Variants in SOX5 observed in about 807,000 individuals in gnomAD.
SOX5 encodes transcription factor SOX-5.
SOX5 carries 9 observed loss-of-function variants against 92.0 expected under a neutral mutation model. The ratio of observed to expected loss-of-function variants is 0.10; its 90% CI spans 0.06 to 0.17. The LOEUF (loss-of-function observed/expected upper bound fraction) is 0.17, where lower values mean the gene tolerates loss of function less well. Among genes scored for constraint, SOX5 ranks in the 10% least tolerant of loss-of-function variants. SOX5 has a pLI of 1.00. For synonymous variants in SOX5, 344 were observed against 336.3 expected, an observed-to-expected ratio of 1.02 and a Z score of -0.25; for missense variants, 642 against 944.5, an observed-to-expected ratio of 0.68 and a Z score of 4.20.
intron 6 of SOX5, among the ~76,000 whole-genome samples, chr12:23,711,440 C>T (rs1049940948): frequency 2.0e-5 from 3 of 152,140 alleles, no homozygotes; most frequent in African/African-American, 7.2e-5. Context: ...AATAATTGTG[C>T]ATTTAAATAT....
intron 3 of SOX5, among the ~76,000 whole-genome samples, chr12:24,235,728 A>G (rs1964351703): frequency 6.6e-6 from 1 of 152,204 alleles, no homozygotes; most frequent in South Asian, 2.1e-4. Context: ...AGTCTCATCT[A>G]TCTCTAATTT....
chr12:24,524,964 A>G (rs1189809054), intron 1 of SOX5, among the ~76,000 whole-genome samples: 1 of 152,230 alleles, frequency 6.6e-6, no homozygotes, highest in African/African-American at 2.4e-5. Context: ...ACCCTGTCTC[A>G]AACAAACACA....
intron 3 of SOX5, among the ~76,000 whole-genome samples, chr12:24,231,746 AAACT>A (rs1235077477): frequency 1.3e-5 from 2 of 152,180 alleles, no homozygotes; most frequent in Non-Finnish European, 2.9e-5. Context: ...TTCCACCTAA[AAACT>A]AACTGTGTGT....
intron 1 of SOX5, among the ~76,000 whole-genome samples, chr12:24,526,729 G>A (rs1480546092): frequency 6.6e-6 from 1 of 152,048 alleles, no homozygotes; most frequent in Non-Finnish European, 1.5e-5. Flanking sequence ...ATACCATCTC[G>A]TTCCCTGACC....
At chr12:24,320,794 G>T (rs1950135705) in intron 2 of SOX5, among the ~76,000 whole-genome samples, 1 of 151,810 alleles carries the variant, frequency 6.6e-6, no homozygotes, top group African/African-American at 2.4e-5. Context: ...GAACCTGGGA[G>T]GCGGAGCTTG....
intron 1 of SOX5, among the ~76,000 whole-genome samples, chr12:23,926,831 A>C (rs1440579052): frequency 1.3e-5 from 2 of 152,100 alleles, no homozygotes; most frequent in East Asian, 3.9e-4. Context: ...ACAATTCTCA[A>C]AATACTTAGA....
At chr12:23,733,087 C>T (rs771788088) in intron 6 of SOX5, among the ~76,000 whole-genome samples, 27 of 152,194 alleles carry the variant, frequency 1.8e-4, no homozygotes, top group South Asian at 4.1e-4. Context: ...TCTAATTGGT[C>T]GGAACAGTTT....
chr12:24,022,178 T>C (rs945713790), intron 4 of SOX5, among the ~76,000 whole-genome samples: 1 of 152,152 alleles, frequency 6.6e-6, no homozygotes. Flanking sequence ...GAATACATGA[T>C]AGCATGAGGT....
chr12:23,961,883 T>C (rs2140022609), intron 4 of SOX5, among the ~76,000 whole-genome samples: 1 of 152,286 alleles, frequency 6.6e-6, no homozygotes, highest in Non-Finnish European at 1.5e-5. Flanking sequence ...CAACATTACA[T>C]GTAAGTTTAA....
chr12:24,031,460 A>G (rs1955503506), intron 4 of SOX5, among the ~76,000 whole-genome samples: 2 of 151,934 alleles, frequency 1.3e-5, no homozygotes, highest in Admixed American at 1.3e-4. Flanking sequence ...GTTCTAATTT[A>G]CATGTGAAAT....
chr12:24,385,003 T>C (rs985562356), intron 1 of SOX5, among the ~76,000 whole-genome samples: 3 of 151,774 alleles, frequency 2.0e-5, no homozygotes, highest in African/African-American at 7.3e-5. Context: ...CTGAATCCAG[T>C]ATTTAAGATA....
intron 7 of SOX5, among the ~76,000 whole-genome samples, chr12:23,657,361 A>C (rs2082438429): frequency 6.6e-6 from 1 of 152,186 alleles, no homozygotes; most frequent in Non-Finnish European, 1.5e-5. Flanking sequence ...TTAATGCAGC[A>C]TCCTATTCCA....
chr12:23,601,481 G>C (rs1046361199), intron 9 of SOX5, among the ~76,000 whole-genome samples: 1 of 152,066 alleles, frequency 6.6e-6, no homozygotes, highest in African/African-American at 2.4e-5. Context: ...TGCCAGGTAG[G>C]TATGTAGACA....
At chr12:23,766,078 A>C (rs1023082648) in intron 3 of SOX5, among the ~76,000 whole-genome samples, 1 of 152,318 alleles carries the variant, frequency 6.6e-6, no homozygotes, top group East Asian at 1.9e-4. Context: ...TTATTAAATT[A>C]GTGAATAGTA....
rs777785887 is a variant in SOX5, at chr12:24,331,873, A to AAAAAT, written c.-174+36689_-174+36690insATTTT. ...CAAAAAAAAAAAAAAAAAAAAAAAA[A>AAAAAT]AAGGAAAGAAATTTAAAATACAATC... On this transcript the variant is annotated intron_variant, in intron 2 of 4. Coordinates refer to the SOX5 transcript ENST00000446891. Among the ~76,000 whole-genome samples, 19 of 141,310 alleles carry AAAAAT rather than the reference A, an allele frequency of 1.3e-4. 1 individual carries two copies. The highest frequency in any genetic ancestry group is 4.5e-4 in the South Asian group (2 of 4,490). The allele number at this position is 141,310 out of a possible 152,430, so 92.7% of individuals were successfully genotyped here. A position where few individuals can be genotyped will look rare whatever the true frequency, so the allele number is the denominator to read the frequency against.
intron 1 of SOX5, among the ~76,000 whole-genome samples, chr12:24,531,711 T>C (rs55966041): frequency 1.2e-3 from 183 of 152,328 alleles, no homozygotes; most frequent in African/African-American, 4.1e-3. Flanking sequence ...CTCCACAATT[T>C]GTGTTGCCCT....
chr12:23,960,727 G>A (rs2140007576), intron 4 of SOX5, among the ~76,000 whole-genome samples: 1 of 151,508 alleles, frequency 6.6e-6, no homozygotes, highest in Non-Finnish European at 1.5e-5. Context: ...AACAAGGTAG[G>A]TAACTGAACA....
At chr12:24,112,522 T>TC (rs572967928) in intron 4 of SOX5, among the ~76,000 whole-genome samples, 1 of 41,708 alleles carries the variant, frequency 2.4e-5, no homozygotes, top group African/African-American at 7.0e-5. Flanking sequence ...TCAAGGTTCC[T>TC]TTTTTTTTTT....
chr12:23,905,873 C>T (rs918021758), intron 1 of SOX5, among the ~76,000 whole-genome samples: 1 of 152,052 alleles, frequency 6.6e-6, no homozygotes, highest in African/African-American at 2.4e-5. Context: ...CTAACTTTAC[C>T]TTCGATCATT....
Sources: gnomAD v4.1 joint callset for allele counts (sites outside exome capture counted in the v4.1 genomes callset) on GRCh38, gnomAD v4.1.1 for gene constraint, MANE v1.5 for transcripts, NCBI Gene and HGNC (gene_info 2026-07-23, HGNC 2026-07-21) for gene names.